TSPO: variants seen among roughly 807,000 people sequenced by gnomAD.
TSPO encodes the protein translocator protein, also known as benzodiazepine peripheral binding site.
A neutral mutation model predicts 13.9 loss-of-function variants in TSPO; 14 were observed. That is an observed-to-expected ratio of 1.01 (90% CI 0.67 to 1.58). TSPO has a LOEUF of 1.58. TSPO is among the 40% of genes most tolerant of loss of function. The pLI, the probability that TSPO is intolerant of heterozygous loss-of-function variation, is 0.00. For synonymous variants in TSPO, 114 were observed against 105.9 expected, an observed-to-expected ratio of 1.08 and a Z score of -0.47; for missense variants, 232 against 229.6, an observed-to-expected ratio of 1.01 and a Z score of -0.07.
chr22:43,154,305 A>G (rs2147050492), intron 1 of TSPO, among the ~76,000 whole-genome samples: 1 of 151,982 alleles, frequency 6.6e-6, no homozygotes, highest in East Asian at 1.9e-4. Context: ...CAGAGAAGGG[A>G]CACATTCCTT....
At position 43,161,210 on chromosome 22, in the gene TSPO, G is replaced by T; in HGVS notation, c.321+20G>T. 1 of 1,606,396 alleles carries T rather than the reference G, an allele frequency of 6.2e-7. No individual in the cohort carries two copies. The highest frequency in any genetic ancestry group is 1.1e-5 in the South Asian group (1 of 90,490). On this transcript the variant is annotated intron_variant, in intron 3 of 3. Coordinates refer to ENST00000337554, the MANE Select transcript of TSPO (RefSeq NM_000714.6). Reference sequence around the variant, plus strand: ...GGCTGGGTAAGTGTGGCCACAGCATGTGTCCCTGATCCCTGGATCCGACCC... The same window carrying T: ...GGCTGGGTAAGTGTGGCCACAGCATTTGTCCCTGATCCCTGGATCCGACCC...
chr22:43,153,049 CCTTCTTTCTCTTT>C (rs1280149761), intron 1 of TSPO, among the ~76,000 whole-genome samples: 1 of 151,588 alleles, frequency 6.6e-6, no homozygotes, highest in Admixed American at 6.6e-5. Flanking sequence ...CCTTCCCACC[CCTTCTTTCTCTTT>C]CTTCTTTCTC....
chr22:43,152,509 C>G (rs2147048277), intron 1 of TSPO, among the ~76,000 whole-genome samples: 1 of 152,386 alleles, frequency 6.6e-6, no homozygotes, highest in Non-Finnish European at 1.5e-5. Flanking sequence ...ACTGCCAGAA[C>G]AGTGGGCGAG....
rs9333324 is a variant in TSPO, at chr22:43,157,025, G to A, written c.-29-2185G>A. ...CTCACGCAGGCTCCAGCAGAGCAGC[G>A]GTTATGTCTTGGTTGCCCAGATGAG... On this transcript the variant is annotated intron_variant, in intron 1 of 3. Transcript: ENST00000337554. Among the ~76,000 whole-genome samples, 1,410 of 152,284 alleles carry A rather than the reference G, an allele frequency of 9.3e-3. 26 individuals carry two copies. The highest frequency in any genetic ancestry group is 0.033 in the African/African-American group (1,355 of 41,540).
intron 3 of TSPO, 72 bp from the exon 4 acceptor site, chr22:43,162,731 G>C (rs1931482438): frequency 7.0e-7 from 1 of 1,423,518 alleles, no homozygotes. Flanking sequence ...GTGGGAGTTG[G>C]GCAGTGGGAC....
chr22:43,157,221 A>G (rs1170148258), intron 1 of TSPO, among the ~76,000 whole-genome samples: 1 of 149,466 alleles, frequency 6.7e-6, no homozygotes, highest in East Asian at 2.0e-4. Context: ...ATGTGTAGTG[A>G]CATCAGACCC....
At chr22:43,154,905 G>A (rs952021585) in intron 1 of TSPO, among the ~76,000 whole-genome samples, 3 of 152,236 alleles carry the variant, frequency 2.0e-5, no homozygotes, top group East Asian at 1.9e-4. Context: ...GGATGTTGCC[G>A]CGGCAGGTGG....
chr22:43,161,981 T>C (rs1037331877), intron 3 of TSPO, among the ~76,000 whole-genome samples: 3 of 148,408 alleles, frequency 2.0e-5, no homozygotes, highest in Non-Finnish European at 4.5e-5. Flanking sequence ...GACAGAGTCT[T>C]ACTCTGTTGC....
chr22:43,153,029 C>T (rs563701714), intron 1 of TSPO, among the ~76,000 whole-genome samples: 1 of 150,636 alleles, frequency 6.6e-6, no homozygotes, highest in South Asian at 2.2e-4. Flanking sequence ...TTCCTCCCTC[C>T]CTCCCCTCCC....
chr22:43,155,001 C>T (rs762959), intron 1 of TSPO, among the ~76,000 whole-genome samples: 67,312 of 151,652 alleles, frequency 0.44, 16,727 homozygotes, highest in East Asian at 0.98. Flanking sequence ...ATCCTGGCGC[C>T]GCAGGCTCTA....
chr22:43,159,576 G>A (rs574309140), intron 2 of TSPO, 156 bp downstream of exon 2: 24 of 802,222 alleles, frequency 3.0e-5, no homozygotes, highest in Admixed American at 3.9e-5. Flanking sequence ...TGGGCCTGTC[G>A]ATTGCACAAC....
At chr22:43,159,975 G>A (rs1601758551) in intron 2 of TSPO, among the ~76,000 whole-genome samples, 4 of 152,154 alleles carry the variant, frequency 2.6e-5, no homozygotes, top group Admixed American at 2.0e-4. Flanking sequence ...TGGCTGTAGC[G>A]GGGACCACAC....
At position 43,159,344 on chromosome 22, in the gene TSPO, G is replaced by A. The variant is rs1204008530; in HGVS notation, c.106G>A (p.Gly36Ser). The change falls in exon 2 of 4, where the codon GGC (glycine) becomes AGC (serine). Residue 36 changes from glycine (G) to serine (S), a missense_variant. Coordinates refer to ENST00000337554, the MANE Select transcript of TSPO (RefSeq NM_000714.6). ...CGGCGAGGGTCTCCGCTGGTACGCC[G>A]GCCTGCAGAAGCCCTCGTGGCACCC... Reference protein sequence around the residue: ...VHGEGLRWYAGLQKPSWHPPH... With the variant: ...VHGEGLRWYASLQKPSWHPPH... The A allele has an allele frequency of 1.3e-5, 20 of 1,547,422 alleles. No individual in the cohort carries two copies. Among genetic ancestry groups the A allele is most frequent in the African/African-American group, 2.7e-5 (2 of 73,000 alleles).
intron 1 of TSPO, among the ~76,000 whole-genome samples, chr22:43,153,345 T>TGGATGTGCTC (rs1214567553): frequency 2.3e-3 from 113 of 49,988 alleles, no homozygotes; most frequent in Non-Finnish European, 2.7e-3. Context: ...TCTTTTTTTT[T>TGGATGTGCTC]TTTTTTTTTT....
chr22:43,158,992 C>G (rs890568929), intron 1 of TSPO, among the ~76,000 whole-genome samples: 1 of 151,946 alleles, frequency 6.6e-6, no homozygotes, highest in African/African-American at 2.4e-5. Flanking sequence ...GACCCAAGGT[C>G]GAGGTGAGGG....
At chr22:43,155,237 C>T (rs370508628) in intron 1 of TSPO, among the ~76,000 whole-genome samples, 10 of 152,254 alleles carry the variant, frequency 6.6e-5, no homozygotes, top group South Asian at 2.1e-4. Flanking sequence ...CCGAGTGGGC[C>T]GTGTGGCTCA....
chr22:43,155,466 A>G (rs1317920283), intron 1 of TSPO, among the ~76,000 whole-genome samples: 1 of 152,060 alleles, frequency 6.6e-6, no homozygotes, highest in African/African-American at 2.4e-5. Context: ...CGTGCAGGGC[A>G]TTTTCACCTG....
At chr22:43,157,447 T>C (rs1214235973) in intron 1 of TSPO, among the ~76,000 whole-genome samples, 1 of 152,108 alleles carries the variant, frequency 6.6e-6, no homozygotes, top group Non-Finnish European at 1.5e-5. Flanking sequence ...ACTGTCCCCA[T>C]TCAACAGGCG....
At chr22:43,159,105 C>A in intron 1 of TSPO, 105 bp from the exon 2 acceptor site, 1 of 886,712 alleles carries the variant, frequency 1.1e-6, no homozygotes. Flanking sequence ...GATCAGCTGA[C>A]TGGTTGATCT....
Sources: allele counts gnomAD v4.1 joint callset (sites outside exome capture counted in the v4.1 genomes callset), GRCh38; gene constraint gnomAD v4.1.1; transcripts MANE v1.5; gene names NCBI Gene and HGNC (gene_info 2026-07-23, HGNC 2026-07-21).